NEK1: variants seen among roughly 807,000 people sequenced by gnomAD.
The protein encoded by NEK1 is NIMA related kinase 1, also known as serine/threonine-protein kinase Nek1.
NEK1 carries 137 observed loss-of-function variants against 182.1 expected under a neutral mutation model. That is an observed-to-expected ratio of 0.75 (90% confidence interval 0.65 to 0.87). The LOEUF (loss-of-function observed/expected upper bound fraction) is 0.87. NEK1 is among the 40% of genes least tolerant of loss of function. NEK1 has a pLI of 0.00. For synonymous variants in NEK1, 513 were observed against 492.2 expected (o/e 1.04, Z -0.56); for missense variants, 1,391 against 1,494.4 (o/e 0.93, Z 1.14).
chr4:169,574,743 G>C (rs1362773565), intron 12 of NEK1, among the ~76,000 whole-genome samples: 1 of 152,068 alleles, frequency 6.6e-6, no homozygotes, highest in Non-Finnish European at 1.5e-5. Context: ...AGCAGGGAGA[G>C]TCTGGCAATG....
intron 26 of NEK1, among the ~76,000 whole-genome samples, chr4:169,474,045 A>G (rs1298992503): frequency 6.6e-6 from 1 of 152,166 alleles, no homozygotes; most frequent in East Asian, 1.9e-4. Context: ...GAGGACTTTT[A>G]GAAATGGGGT....
chr4:169,494,191 T>G (rs1750683759), intron 23 of NEK1, among the ~76,000 whole-genome samples: 1 of 152,128 alleles, frequency 6.6e-6, no homozygotes, highest in Non-Finnish European at 1.5e-5. Context: ...GTTTGTGTGC[T>G]GCACCCATTA....
At chr4:169,447,551 T>C (rs1740807838) in intron 27 of NEK1, among the ~76,000 whole-genome samples, 1 of 152,222 alleles carries the variant, frequency 6.6e-6, no homozygotes, top group Admixed American at 6.5e-5. Flanking sequence ...AAGCTACTCA[T>C]ATCTTGAGTA....
chr4:169,542,898 G>C (rs986942280), intron 18 of NEK1, among the ~76,000 whole-genome samples: 17 of 152,098 alleles, frequency 1.1e-4, no homozygotes, highest in Non-Finnish European at 2.2e-4. Flanking sequence ...CCCTTTGTCA[G>C]ATGAATAGAT....
chr4:169,604,152 C>T (rs1481021787), intron 2 of NEK1, among the ~76,000 whole-genome samples: 1 of 152,052 alleles, frequency 6.6e-6, no homozygotes, highest in Non-Finnish European at 1.5e-5. Context: ...ATCCTAGTTG[C>T]CTTTAAGTAT....
At chr4:169,470,536 T>G (rs1745764015) in intron 26 of NEK1, among the ~76,000 whole-genome samples, 4 of 152,212 alleles carry the variant, frequency 2.6e-5, no homozygotes, top group Admixed American at 2.6e-4. Flanking sequence ...ACCTTTCTCT[T>G]TGGCTGCCCT....
chr4:169,479,273 C>A, intron 24 of NEK1, 130 bp downstream of exon 24: 1 of 879,662 alleles, frequency 1.1e-6, no homozygotes, highest in South Asian at 2.3e-5. Context: ...AACTAAAATC[C>A]CTTAAAAAGT....
At chr4:169,469,877 A>C (rs143407742) in intron 26 of NEK1, among the ~76,000 whole-genome samples, 3 of 150,106 alleles carry the variant, frequency 2.0e-5, no homozygotes, top group African/African-American at 7.4e-5. Flanking sequence ...ATGTAATGCC[A>C]TTCTTTGTCT....
rs569539235 is a variant in NEK1 at position 169,445,865 on chromosome 4, T to TATACACACACACACACACACACACAC, written c.2588-7607_2588-7606insGTGTGTGTGTGTGTGTGTGTGTGTAT. Among the ~76,000 whole-genome samples the TATACACACACACACACACACACACAC allele has an allele frequency of 3.5e-5, 5 of 143,220 alleles. No individual in the cohort carries two copies. The East Asian group carries it at 9.9e-4, about 28-fold the overall frequency. 94.0% of individuals were successfully genotyped at this position (143,220 alleles called of 152,430 possible). On this transcript the variant is annotated intron_variant, in intron 27 of 35. Transcript: ENST00000507142. ...AACTATATACATATATATATATATATACACACACACACACACACACATGCA... is the reference window on the plus strand; with the variant it reads ...AACTATATACATATATATATATATATATACACACACACACACACACACACACACACACACACACACACACACATGCA...
intron 16 of NEK1, among the ~76,000 whole-genome samples, chr4:169,560,424 A>G (rs1762740394): frequency 1.3e-5 from 2 of 152,028 alleles, no homozygotes; most frequent in African/African-American, 4.8e-5. Context: ...TCTCTCTCTA[A>G]TTTCTTTTCC....
At chr4:169,415,461 G>A (rs971499143) in intron 31 of NEK1, among the ~76,000 whole-genome samples, 1 of 152,134 alleles carries the variant, frequency 6.6e-6, no homozygotes, top group Admixed American at 6.5e-5. Flanking sequence ...GGGGAATATG[G>A]CATAGTTTAT....
At chr4:169,397,371 C>A (rs1730910362) in intron 35 of NEK1, among the ~76,000 whole-genome samples, 1 of 152,294 alleles carries the variant, frequency 6.6e-6, no homozygotes, top group East Asian at 1.9e-4. Context: ...TTTCATTTAA[C>A]TCTCATGATT....
Position 169,561,505 on chromosome 4 carries a change from C to T in NEK1, c.1241G>A (p.Ser414Asn). 6.2e-7 allele frequency: 1 copy of T among 1,613,636 alleles called. No homozygotes were observed. The highest frequency in any genetic ancestry group is 1.1e-5 in the South Asian group (1 of 91,056). Residue 414 changes from serine to asparagine, a missense_variant, in exon 16 of 36, where the codon AGT becomes AAT. Ser to Asn is a conservative substitution (Grantham distance 46). Around this residue, in one of 5 missense-constraint regions of NEK1, gnomAD observed 1,216 missense variants for 1,277.6 expected, o/e 0.95. Coordinates refer to ENST00000507142, the MANE Select transcript of NEK1 (RefSeq NM_001199397.3). ...CTTTACTTCACCACTTCCACCAGCA[C>T]TTAGCACATTTCTCCATCCTTGTTC... is the stretch of plus-strand genomic sequence containing the variant. ...AREQGWRNVL[S>N]AGGSGEVKAP...
intron 28 of NEK1, among the ~76,000 whole-genome samples, chr4:169,435,439 T>C (rs1308866654): frequency 2.0e-5 from 3 of 152,188 alleles, no homozygotes; most frequent in African/African-American, 7.2e-5. Flanking sequence ...GTAACTATGT[T>C]CTAATGAATA....
chr4:169,504,482 T>C (rs72974712), intron 23 of NEK1, among the ~76,000 whole-genome samples: 27 of 152,268 alleles, frequency 1.8e-4, no homozygotes, highest in African/African-American at 5.8e-4. Flanking sequence ...AGCAACCTAA[T>C]TGTCCATCAA....
At chr4:169,533,271 T>C (rs1207457264) in intron 19 of NEK1, among the ~76,000 whole-genome samples, 3 of 152,212 alleles carry the variant, frequency 2.0e-5, no homozygotes, top group African/African-American at 7.2e-5. Flanking sequence ...AAGGACAGAA[T>C]ATCAGTATGT....
chr4:169,468,394 T>C (rs145218896), intron 26 of NEK1, among the ~76,000 whole-genome samples: 22 of 152,194 alleles, frequency 1.4e-4, no homozygotes, highest in African/African-American at 4.1e-4. Context: ...TTGATGGGGG[T>C]TCTTATTTTG....
At chr4:169,565,435 G>T (rs951653474) in intron 12 of NEK1, among the ~76,000 whole-genome samples, 1 of 152,024 alleles carries the variant, frequency 6.6e-6, no homozygotes, top group African/African-American at 2.4e-5. Flanking sequence ...AGATCTCTGG[G>T]GGCACTATTG....
chr4:169,402,134 C>T (rs1731797124), intron 32 of NEK1, among the ~76,000 whole-genome samples: 1 of 152,096 alleles, frequency 6.6e-6, no homozygotes, highest in Admixed American at 6.6e-5. Context: ...CCCAACTTGC[C>T]AAAGAGAATC....
Sources: gnomAD v4.1 joint callset for allele counts (sites outside exome capture counted in the v4.1 genomes callset) on GRCh38, gnomAD v4.1.1 for gene constraint, gnomAD v4.1.1 regional missense constraint, MANE v1.5 for transcripts, NCBI Gene and HGNC (gene_info 2026-07-23, HGNC 2026-07-21) for gene names.